Variants in SLC35D4 observed in about 807,000 individuals in gnomAD.
SLC35D4 encodes solute carrier family 35 member D4, also known as UDP-N-acetylglucosamine transporter SLC35D4.
At chr18:23,239,737 C>T in the SLC35D4 span, among the ~76,000 whole-genome samples, 1 of 152,222 alleles carries the variant, frequency 6.6e-6, no homozygotes, top group Admixed American at 6.5e-5. Context: ...CTCTTCTCCT[C>T]CACCTTGGAG....
At chr18:23,267,299 G>A in the SLC35D4 span, among the ~76,000 whole-genome samples, 1 of 152,102 alleles carries the variant, frequency 6.6e-6, no homozygotes, top group Non-Finnish European at 1.5e-5. Context: ...ACACCACTGG[G>A]GGTTGCAGGT....
the SLC35D4 span, among the ~76,000 whole-genome samples, chr18:23,249,934 C>T: frequency 2.0e-5 from 3 of 152,206 alleles, no homozygotes; most frequent in Non-Finnish European, 4.4e-5. Flanking sequence ...CCAGCGCTGG[C>T]CCCTGCCTGC....
the SLC35D4 span, among the ~76,000 whole-genome samples, chr18:23,414,331 A>AAGGC: frequency 6.1e-3 from 860 of 140,498 alleles, 9 homozygotes; most frequent in African/African-American, 0.012. Context: ...GGAAGGAAGG[A>AAGGC]AGGCAGGCAG....
At chr18:23,259,042 T>C in the SLC35D4 span, 1 of 151,302 alleles carries the variant, frequency 6.6e-6, no homozygotes, top group African/African-American at 2.4e-5. Context: ...GTGGTCTCTT[T>C]GGCTGATCGA....
At chr18:23,297,229 A>G in the SLC35D4 span, 1 of 152,240 alleles carries the variant, frequency 6.6e-6, no homozygotes, top group Non-Finnish European at 1.5e-5. Context: ...TTTAAAAATA[A>G]AAATGAGAAA....
chr18:23,418,789 C>T, the SLC35D4 span, among the ~76,000 whole-genome samples: 13 of 151,806 alleles, frequency 8.6e-5, no homozygotes, highest in African/African-American at 7.3e-5. Flanking sequence ...GGGTGGATCA[C>T]GGAATCAGGA....
chr18:23,351,978 A>C, the SLC35D4 span, among the ~76,000 whole-genome samples: 39 of 152,342 alleles, frequency 2.6e-4, no homozygotes, highest in South Asian at 5.2e-3. Context: ...GAGCCTATCC[A>C]TGATTGTCTT....
chr18:23,316,578 C>A, the SLC35D4 span, among the ~76,000 whole-genome samples: 310 of 152,280 alleles, frequency 2.0e-3, 2 homozygotes, highest in South Asian at 0.02. Flanking sequence ...ATTGCCTCAT[C>A]AAAATATATG....
the SLC35D4 span, among the ~76,000 whole-genome samples, chr18:23,427,184 A>G: frequency 1.3e-5 from 2 of 152,334 alleles, no homozygotes; most frequent in South Asian, 4.1e-4. Flanking sequence ...TGATTAAACT[A>G]AAGAGCTTCT....
chr18:23,309,515 G>T, the SLC35D4 span, among the ~76,000 whole-genome samples: 2 of 144,444 alleles, frequency 1.4e-5, no homozygotes, highest in African/African-American at 5.1e-5. Flanking sequence ...GTCAATACAA[G>T]TTTTTTTTTT....
At chr18:23,363,252 C>A in the SLC35D4 span, among the ~76,000 whole-genome samples, 2 of 107,906 alleles carry the variant, frequency 1.9e-5, no homozygotes, top group African/African-American at 7.0e-5. Flanking sequence ...GACTCTGTCT[C>A]AAAAAAAAAA....
At chr18:23,366,674 G>C in the SLC35D4 span, among the ~76,000 whole-genome samples, 1 of 152,140 alleles carries the variant, frequency 6.6e-6, no homozygotes, top group East Asian at 1.9e-4. Flanking sequence ...AGACGGCTGT[G>C]AGCAAAAAAA....
At chr18:23,351,697 T>C in the SLC35D4 span, among the ~76,000 whole-genome samples, 3 of 152,174 alleles carry the variant, frequency 2.0e-5, no homozygotes, top group East Asian at 5.8e-4. Flanking sequence ...GGCCCCACCA[T>C]GTTTCAGTTA....
the SLC35D4 span, among the ~76,000 whole-genome samples, chr18:23,344,939 A>G: frequency 1.3e-5 from 2 of 152,114 alleles, no homozygotes; most frequent in Admixed American, 1.3e-4. Context: ...TGAATTGTAA[A>G]AGGTTTTAAG....
the SLC35D4 span, among the ~76,000 whole-genome samples, chr18:23,418,876 C>T: frequency 4.6e-5 from 7 of 151,862 alleles, no homozygotes; most frequent in Non-Finnish European, 8.8e-5. Flanking sequence ...GGCATGGTGG[C>T]ACGCGCCTGT....
the SLC35D4 span, among the ~76,000 whole-genome samples, chr18:23,388,766 C>T: frequency 4.5e-4 from 69 of 152,264 alleles, no homozygotes; most frequent in African/African-American, 1.5e-3. Context: ...CCTTGCTGTT[C>T]TTATGATAGT....
the SLC35D4 span, among the ~76,000 whole-genome samples, chr18:23,435,989 C>T: frequency 6.6e-6 from 1 of 151,734 alleles, no homozygotes; most frequent in Non-Finnish European, 1.5e-5. Flanking sequence ...AGCCACTGTG[C>T]CTGGCCAACA....
At chr18:23,312,281 G>C in the SLC35D4 span, among the ~76,000 whole-genome samples, 1 of 152,278 alleles carries the variant, frequency 6.6e-6, no homozygotes, top group South Asian at 2.1e-4. Flanking sequence ...CCGTGAGATA[G>C]ATAGCTGGTC....
chr18:23,285,603 C>A, the SLC35D4 span, among the ~76,000 whole-genome samples: 1 of 152,160 alleles, frequency 6.6e-6, no homozygotes, highest in Admixed American at 6.5e-5. Context: ...CAACTTGTCC[C>A]AAATCTTCCT....
Sources: gnomAD v4.1 joint callset for allele counts (sites outside exome capture counted in the v4.1 genomes callset) on GRCh38, gnomAD v4.1.1 for gene constraint, MANE v1.5 for transcripts, NCBI Gene and HGNC (gene_info 2026-07-23, HGNC 2026-07-21) for gene names.